FNDC3A: variants seen among roughly 807,000 people sequenced by gnomAD.
FNDC3A encodes fibronectin type-III domain-containing protein 3A.
A neutral mutation model predicts 148.9 loss-of-function variants in FNDC3A; 32 were observed. That is an observed-to-expected ratio of 0.21 (90% CI 0.16 to 0.29). The LOEUF (loss-of-function observed/expected upper bound fraction) is 0.29, where lower values mean the gene tolerates loss of function less well. Among genes scored for constraint, FNDC3A ranks in the 10% least tolerant of loss-of-function variants. The probability of loss-of-function intolerance (pLI) is 1.00; values close to 1 mark genes in which losing one functional copy is unlikely to be tolerated. For missense variants in FNDC3A, 1,191 were observed against 1,452.8 expected, an observed-to-expected ratio of 0.82 and a Z score of 2.93; for synonymous variants, 472 against 473.6, an observed-to-expected ratio of 1.00 and a Z score of 0.04.
chr13:49,001,836 A>T (rs139084703), intron 1 of FNDC3A, among the ~76,000 whole-genome samples: 82 of 152,292 alleles, frequency 5.4e-4, no homozygotes, highest in African/African-American at 1.6e-3. Context: ...ATTTCGCCCC[A>T]GTCCTGTGGT....
At chr13:48,999,807 T>C (rs1038482506) in intron 1 of FNDC3A, among the ~76,000 whole-genome samples, 5 of 152,126 alleles carry the variant, frequency 3.3e-5, no homozygotes, top group Non-Finnish European at 5.9e-5. Flanking sequence ...CAGAGCATCC[T>C]CTCTCCCTCA....
At chr13:49,151,177 G>A (rs796823579) in intron 8 of FNDC3A, among the ~76,000 whole-genome samples, 1 of 152,048 alleles carries the variant, frequency 6.6e-6, no homozygotes, top group East Asian at 1.9e-4. Flanking sequence ...TGCTGAGAGT[G>A]GGGGGTTGAA....
At chr13:49,118,403 G>A (rs1881106731) in intron 4 of FNDC3A, among the ~76,000 whole-genome samples, 1 of 152,144 alleles carries the variant, frequency 6.6e-6, no homozygotes, top group Admixed American at 6.5e-5. Context: ...CCAGGGCCCT[G>A]GGATTCAAGC....
chr13:48,988,841 T>A (rs1270712145), intron 1 of FNDC3A, among the ~76,000 whole-genome samples: 5 of 145,478 alleles, frequency 3.4e-5, no homozygotes. Context: ...TGAGAACTTG[T>A]CTCAAAAAAA....
At chr13:49,190,764 C>G (rs1436830599) in intron 17 of FNDC3A, among the ~76,000 whole-genome samples, 2 of 152,016 alleles carry the variant, frequency 1.3e-5, no homozygotes, top group African/African-American at 4.8e-5. Flanking sequence ...CATTGAAGTT[C>G]TTTTTCAGTA....
intron 15 of FNDC3A, 56 bp downstream of exon 15, chr13:49,186,158 T>A (rs1206484135): frequency 7.2e-7 from 1 of 1,380,326 alleles, no homozygotes; most frequent in Non-Finnish European, 1.0e-6. Context: ...TAAAATAATT[T>A]GAATATGAAG....
intron 2 of FNDC3A, among the ~76,000 whole-genome samples, chr13:49,028,060 A>G (rs2137657647): frequency 6.6e-6 from 1 of 152,086 alleles, no homozygotes; most frequent in East Asian, 2.0e-4. Context: ...TAAAAATACA[A>G]AAATTAGCCA....
At chr13:49,048,168 A>G (rs997923363) in intron 2 of FNDC3A, among the ~76,000 whole-genome samples, 3 of 152,110 alleles carry the variant, frequency 2.0e-5, no homozygotes, top group African/African-American at 7.2e-5. Flanking sequence ...TTTTTATACC[A>G]GTACCATGCT....
In FNDC3A at chr13:48,986,094, G is replaced by C. The variant is rs370836556; in HGVS notation, c.-40+9917G>C. Among the ~76,000 whole-genome samples, 9 of 152,218 alleles carry C rather than the reference G, an allele frequency of 5.9e-5. No individual in the cohort carries two copies. The East Asian group carries it at 1.7e-3, about 29-fold the overall frequency. On this transcript the variant is annotated intron_variant, in intron 1 of 25. Coordinates refer to ENST00000492622, the MANE Select transcript of FNDC3A (RefSeq NM_001079673.2). ...GTGTTGGATCTGAAACTGTGTTAAA[G>C]TGGGTTAAAGAAGTGAGAATTCTAC... is the stretch of plus-strand genomic sequence containing the variant.
At chr13:48,985,489 G>A (rs958625666) in intron 1 of FNDC3A, among the ~76,000 whole-genome samples, 2 of 152,130 alleles carry the variant, frequency 1.3e-5, no homozygotes, top group African/African-American at 4.8e-5. Flanking sequence ...GAAACTGGAA[G>A]TAATAAGATC....
chr13:49,009,143 C>T (rs1229041102), intron 2 of FNDC3A, among the ~76,000 whole-genome samples: 1 of 152,112 alleles, frequency 6.6e-6, no homozygotes, highest in Non-Finnish European at 1.5e-5. Context: ...TTCCTTTACT[C>T]CCCCCAAATC....
intron 1 of FNDC3A, among the ~76,000 whole-genome samples, chr13:48,986,234 T>TTATTTATATTTAAATATTTATA (rs1555274089): frequency 4.6e-5 from 7 of 152,108 alleles, no homozygotes; most frequent in African/African-American, 1.7e-4. Flanking sequence ...AAAGTTATAA[T>TTATTTATATTTAAATATTTATA]TTCGAATGTA....
intron 1 of FNDC3A, chr13:48,977,023 A>G (rs1009576780): frequency 6.6e-6 from 1 of 152,254 alleles, no homozygotes; most frequent in African/African-American, 2.4e-5. Context: ...TGTTAGCGTT[A>G]CAAGCCTTGG....
At chr13:49,129,415 T>G (rs1881894881) in intron 4 of FNDC3A, among the ~76,000 whole-genome samples, 1 of 152,216 alleles carries the variant, frequency 6.6e-6, no homozygotes. Context: ...ACAAGCCTCT[T>G]GGAAATGGCT....
At chr13:49,076,601 C>G (rs1201659420) in intron 3 of FNDC3A, among the ~76,000 whole-genome samples, 3 of 151,952 alleles carry the variant, frequency 2.0e-5, no homozygotes, top group Admixed American at 6.6e-5. Context: ...AATAGTACAC[C>G]TTATAGGATC....
chr13:49,184,539 A>G (rs1476064696), intron 14 of FNDC3A, among the ~76,000 whole-genome samples: 1 of 152,154 alleles, frequency 6.6e-6, no homozygotes, highest in African/African-American at 2.4e-5. Flanking sequence ...TGTAAGGTCA[A>G]CCGAGAGGAA....
rs1885858273 is a variant in FNDC3A at position 49,191,051 on chromosome 13, C to T, written c.1981C>T (p.Pro661Ser). ...ESLLVQTPAV[P>S]PGPCLPPRLQ... ...TTTACTTGTGCAGACTCCAGCTGTG[C>T]CTCCTGGCCCATGCCTCCCTCCCAG... The change falls in exon 18 of 26, where the codon CCT (proline) becomes TCT (serine). Residue 661 changes from proline (P) to serine (S), a missense_variant. Transcript: ENST00000492622. The T allele has an allele frequency of 1.9e-6, 3 of 1,613,732 alleles. No individual in the cohort carries two copies. Among genetic ancestry groups the T allele is most frequent in the Non-Finnish European group, 2.5e-6 (3 of 1,179,908 alleles).
At chr13:49,129,740 C>G (rs898744385) in intron 4 of FNDC3A, among the ~76,000 whole-genome samples, 19 of 152,168 alleles carry the variant, frequency 1.2e-4, no homozygotes, top group African/African-American at 4.3e-4. Context: ...ATATTAAAAA[C>G]AGTTAATTCA....
chr13:49,075,800 G>GCCCCCCCCCCCCCCCCCCCCCCCCCCCCC (rs57432537), intron 3 of FNDC3A, among the ~76,000 whole-genome samples: 6 of 115,228 alleles, frequency 5.2e-5, no homozygotes, highest in African/African-American at 1.7e-4. Context: ...TATCACCACT[G>GCCCCCCCCCCCCCCCCCCCCCCCCCCCCC]CCCCCCCCAC....
Sources: gnomAD v4.1 joint callset for allele counts (sites outside exome capture counted in the v4.1 genomes callset) on GRCh38, gnomAD v4.1.1 for gene constraint, MANE v1.5 for transcripts, NCBI Gene and HGNC (gene_info 2026-07-23, HGNC 2026-07-21) for gene names.